Variants in RANBP2 observed in about 807,000 individuals in gnomAD.
RANBP2 encodes the protein RAN binding protein 2, also known as E3 SUMO-protein ligase RanBP2.
RANBP2 carries 57 observed loss-of-function variants against 303.6 expected under a neutral mutation model. That is an observed-to-expected ratio of 0.19 (90% CI 0.15 to 0.23). The LOEUF is 0.23. RANBP2 is among the 10% of genes least tolerant of loss of function. The probability of loss-of-function intolerance (pLI) is 1.00; values close to 1 mark genes in which losing one functional copy is unlikely to be tolerated. For synonymous variants in RANBP2, 1,167 were observed against 1,301.5 expected (o/e 0.90, Z 2.23); for missense variants, 3,138 against 3,780.8 (o/e 0.83, Z 4.46).
the RANBP2 span, among the ~76,000 whole-genome samples, chr2:109,590,516 C>G: frequency 2.0e-5 from 3 of 152,134 alleles, no homozygotes; most frequent in South Asian, 2.1e-4. Context: ...ACTGCAACCT[C>G]TGCCTCCTGG....
At chr2:108,935,966 G>A in the RANBP2 span, among the ~76,000 whole-genome samples, 1 of 152,312 alleles carries the variant, frequency 6.6e-6, no homozygotes, top group South Asian at 2.1e-4. Flanking sequence ...GTCTATACTT[G>A]TCATCACGGC....
chr2:109,086,866 C>T, the RANBP2 span, among the ~76,000 whole-genome samples: 1 of 152,194 alleles, frequency 6.6e-6, no homozygotes, highest in Non-Finnish European at 1.5e-5. Context: ...TCATCTTTAC[C>T]TGCAACTGCC....
chr2:109,415,401 G>A, the RANBP2 span, among the ~76,000 whole-genome samples: 1 of 152,192 alleles, frequency 6.6e-6, no homozygotes, highest in Non-Finnish European at 1.5e-5. Context: ...GTTCCAGGGG[G>A]AGTGCTCAGA....
the RANBP2 span, chr2:109,614,846 C>G: frequency 7.1e-7 from 1 of 1,403,546 alleles, no homozygotes; most frequent in East Asian, 3.1e-5. Flanking sequence ...ATCGGCTCCC[C>G]GACGCGGCGG....
At chr2:109,222,943 C>G in the RANBP2 span, among the ~76,000 whole-genome samples, 36 of 152,232 alleles carry the variant, frequency 2.4e-4, no homozygotes, top group Non-Finnish European at 4.6e-4. Context: ...CTGCCCCTGC[C>G]TGGGGCTACG....
chr2:109,628,502 A>G, the RANBP2 span, among the ~76,000 whole-genome samples: 1 of 91,868 alleles, frequency 1.1e-5, no homozygotes, highest in Non-Finnish European at 2.7e-5. Context: ...TCAAAAAATA[A>G]TAAATAAATA....
At chr2:109,213,548 G>T in the RANBP2 span, among the ~76,000 whole-genome samples, 1 of 152,166 alleles carries the variant, frequency 6.6e-6, no homozygotes, top group South Asian at 2.1e-4. Context: ...ACCTAACAGG[G>T]GGCTGGGCTC....
At chr2:109,693,008 T>C in the RANBP2 span, among the ~76,000 whole-genome samples, 6 of 151,872 alleles carry the variant, frequency 4.0e-5, no homozygotes, top group Non-Finnish European at 5.9e-5. Context: ...GTCTGCCCTT[T>C]TGGAATTCAG....
chr2:109,660,303 A>T, the RANBP2 span, among the ~76,000 whole-genome samples: 1 of 152,206 alleles, frequency 6.6e-6, no homozygotes, highest in South Asian at 2.1e-4. Flanking sequence ...TCATTTACAT[A>T]GGGTGTAACC....
At chr2:109,692,461 ATC>A in the RANBP2 span, among the ~76,000 whole-genome samples, 1 of 152,202 alleles carries the variant, frequency 6.6e-6, no homozygotes, top group African/African-American at 2.4e-5. Context: ...TGCAAATTAT[ATC>A]TCAATAAAAA....
the RANBP2 span, among the ~76,000 whole-genome samples, chr2:109,073,681 AAG>A: frequency 1.3e-5 from 2 of 150,336 alleles, 1 homozygote; most frequent in Non-Finnish European, 3.0e-5. Flanking sequence ...AAGAAAAAAA[AAG>A]AGAGAGAGAA....
chr2:109,716,046 C>G, the RANBP2 span, among the ~76,000 whole-genome samples: 2 of 151,990 alleles, frequency 1.3e-5, no homozygotes, highest in Non-Finnish European at 2.9e-5. Flanking sequence ...AAAGGTACAC[C>G]TTTCCCCAAA....
chr2:109,471,777 C>G, the RANBP2 span, among the ~76,000 whole-genome samples: 1 of 152,216 alleles, frequency 6.6e-6, no homozygotes, highest in Admixed American at 6.5e-5. Context: ...AGGAGATAGA[C>G]TAATGCACAG....
the RANBP2 span, among the ~76,000 whole-genome samples, chr2:109,600,985 C>T: frequency 6.6e-6 from 1 of 152,182 alleles, no homozygotes; most frequent in African/African-American, 2.4e-5. Flanking sequence ...GGGCTTCTGT[C>T]CCCATGGAGG....
At chr2:108,730,437 C>G (rs1573700390) in intron 2 of RANBP2, among the ~76,000 whole-genome samples, 1 of 152,058 alleles carries the variant, frequency 6.6e-6, no homozygotes, top group East Asian at 1.9e-4. Flanking sequence ...ATAATCACTT[C>G]TAATTTATTC....
At chr2:108,779,588 G>C (rs1048560884) in intron 25 of RANBP2, among the ~76,000 whole-genome samples, 6 of 151,974 alleles carry the variant, frequency 3.9e-5, no homozygotes, top group Non-Finnish European at 8.8e-5. Context: ...TCTTTTTCAT[G>C]AGAGTTTTTA....
the RANBP2 span, among the ~76,000 whole-genome samples, chr2:109,691,822 AC>A: frequency 6.6e-6 from 1 of 151,426 alleles, no homozygotes; most frequent in Non-Finnish European, 1.5e-5. Flanking sequence ...TTGCTCTGTC[AC>A]CCAGGCTAGA....
At chr2:109,360,008 A>T in the RANBP2 span, among the ~76,000 whole-genome samples, 1 of 151,362 alleles carries the variant, frequency 6.6e-6, no homozygotes, top group African/African-American at 2.4e-5. Flanking sequence ...ATGTTTCCTC[A>T]TCCACAGAGG....
the RANBP2 span, among the ~76,000 whole-genome samples, chr2:109,133,819 C>A: frequency 3.3e-5 from 5 of 150,948 alleles, no homozygotes; most frequent in African/African-American, 1.2e-4. Context: ...CTTGCATTAG[C>A]ATAGTTGGGA....
Sources: gnomAD v4.1 joint callset for allele counts (sites outside exome capture counted in the v4.1 genomes callset) on GRCh38, gnomAD v4.1.1 for gene constraint, MANE v1.5 for transcripts, NCBI Gene and HGNC (gene_info 2026-07-23, HGNC 2026-07-21) for gene names.